The following SPAG1 variants were observed in gnomAD, a reference collection of about 807,000 sequenced individuals.
SPAG1 encodes sperm associated antigen 1.
Under a neutral mutation model 100.5 loss-of-function variants are expected in SPAG1, and 69 were observed. The ratio of observed to expected loss-of-function variants is 0.69; its 90% CI spans 0.57 to 0.84. SPAG1 has a LOEUF of 0.84. Ranked by LOEUF, SPAG1 falls within the 40% of genes least tolerant of loss-of-function variation. The pLI, the probability that SPAG1 is intolerant of heterozygous loss-of-function variation, is 0.00. For missense variants in SPAG1, 955 were observed against 1,133.1 expected, an observed-to-expected ratio of 0.84 and a Z score of 2.26; for synonymous variants, 336 against 411.6, an observed-to-expected ratio of 0.82 and a Z score of 2.22.
intron 16 of SPAG1, among the ~76,000 whole-genome samples, chr8:100,234,894 G>T (rs1818934270): frequency 6.6e-6 from 1 of 152,142 alleles, no homozygotes; most frequent in Admixed American, 6.5e-5. Context: ...TAATGGATCA[G>T]ATTTGGGGAC....
At chr8:100,219,945 T>A (rs1818185184) in intron 12 of SPAG1, among the ~76,000 whole-genome samples, 1 of 152,256 alleles carries the variant, frequency 6.6e-6, no homozygotes, top group Admixed American at 6.5e-5. Context: ...CATTTTAATC[T>A]GTCAACGACA....
chr8:100,235,938 C>T (rs1325189281), intron 16 of SPAG1, among the ~76,000 whole-genome samples: 1 of 152,108 alleles, frequency 6.6e-6, no homozygotes, highest in African/African-American at 2.4e-5. Flanking sequence ...TTGAAATTTA[C>T]TCACCTCTTT....
intron 11 of SPAG1, among the ~76,000 whole-genome samples, 159 bp downstream of exon 11, chr8:100,213,587 C>T (rs917715732): frequency 1.3e-5 from 2 of 152,220 alleles, no homozygotes; most frequent in African/African-American, 4.8e-5. Context: ...CACCTGACCT[C>T]AGTGAGCAGC....
chr8:100,165,337 C>T, intron 2 of SPAG1: 1 of 503,944 alleles, frequency 2.0e-6, no homozygotes. Context: ...GTAATAATTG[C>T]ACTTCTTGCA....
chr8:100,215,000 T>C (rs1817905224), intron 12 of SPAG1, among the ~76,000 whole-genome samples: 1 of 4,440 alleles, frequency 2.3e-4, no homozygotes, highest in Admixed American at 1.4e-3. Flanking sequence ...TATATATATA[T>C]ATATATATAT....
At position 100,240,716 on chromosome 8, in the gene SPAG1, A is replaced by T; in HGVS notation, c.2594A>T (p.Asp865Val). Residue 865 changes from aspartate to valine, a missense_variant, in exon 18 of 19, where the codon GAT (aspartate) becomes GTT (valine). Asp to Val is a radical substitution (Grantham distance 152). Transcript: ENST00000388798. Reference protein sequence around the residue: ...QSLKNNLIEKDPSLVYQHLLY... With the variant: ...QSLKNNLIEKVPSLVYQHLLY... ...CTGAAAAATAATCTTATTGAAAAAG[A>T]TCCCTCATTGGTGTATCAGCATCTT... The T allele has an allele frequency of 6.2e-7, 1 of 1,613,694 alleles. No individual in the cohort carries two copies. Among genetic ancestry groups the T allele is most frequent in the Non-Finnish European group, 8.5e-7 (1 of 1,179,834 alleles).
At chr8:100,230,770 T>A (rs1267816707) in intron 14 of SPAG1, among the ~76,000 whole-genome samples, 1 of 152,078 alleles carries the variant, frequency 6.6e-6, no homozygotes, top group African/African-American at 2.4e-5. Flanking sequence ...ATTACAGGCA[T>A]GTGCCACTAC....
At chr8:100,164,009 G>A (rs984465822) in intron 2 of SPAG1, among the ~76,000 whole-genome samples, 3 of 152,154 alleles carry the variant, frequency 2.0e-5, no homozygotes, top group Non-Finnish European at 4.4e-5. Flanking sequence ...TTCTAGAAAT[G>A]TAAGAGTGAA....
intron 1 of SPAG1, among the ~76,000 whole-genome samples, chr8:100,161,314 C>A (rs536581219): frequency 1.2e-4 from 18 of 152,212 alleles, no homozygotes; most frequent in African/African-American, 4.3e-4. Flanking sequence ...TGCATTTCAG[C>A]CTGGGTGACA....
intron 10 of SPAG1, among the ~76,000 whole-genome samples, chr8:100,206,576 C>A (rs1006469479): frequency 2.6e-5 from 4 of 152,150 alleles, no homozygotes; most frequent in Admixed American, 1.3e-4. Flanking sequence ...AATTCAGGGA[C>A]CTTCTACCTC....
intron 3 of SPAG1, among the ~76,000 whole-genome samples, chr8:100,174,844 C>G (rs1816032665): frequency 6.6e-6 from 1 of 152,166 alleles, no homozygotes; most frequent in Non-Finnish European, 1.5e-5. Flanking sequence ...ACACTTCACT[C>G]CCAACTTTTT....
intron 10 of SPAG1, among the ~76,000 whole-genome samples, chr8:100,202,666 C>T (rs75502943): frequency 0.048 from 6,779 of 140,758 alleles, 491 homozygotes; most frequent in African/African-American, 0.15. Context: ...GCCGAGATCG[C>T]GCCACTGCAC....
At chr8:100,184,781 A>G (rs1026656454) in intron 7 of SPAG1, 48 bp downstream of exon 7, 6 of 1,053,358 alleles carry the variant, frequency 5.7e-6, no homozygotes, top group Non-Finnish European at 8.4e-6. Context: ...AAAAAATGAT[A>G]ATGTTTTAAT....
intron 2 of SPAG1, 58 bp downstream of exon 2, chr8:100,162,478 T>C: frequency 1.5e-6 from 2 of 1,343,934 alleles, no homozygotes; most frequent in Non-Finnish European, 2.0e-6. Flanking sequence ...ATCTTGTTGT[T>C]ACCTTCTAAA....
intron 10 of SPAG1, among the ~76,000 whole-genome samples, chr8:100,195,071 A>C (rs1816974162): frequency 1.3e-5 from 2 of 151,588 alleles, no homozygotes. Flanking sequence ...AGGCTGAGGC[A>C]GGAGAGTGGC....
chr8:100,190,237 C>T lies in SPAG1; in HGVS notation c.833-1153C>T, dbSNP rs79279154. Among the ~76,000 whole-genome samples, 19 of 150,238 alleles carry T rather than the reference C, an allele frequency of 1.3e-4. No individual in the cohort carries two copies. The East Asian group carries it at 2.0e-3, about 16-fold the overall frequency. Reference sequence around the variant, plus strand: ...CTGAGGCAGGAGAATCGCTTGAACCCGGGAGGCAGAGGTTGCAGTGAGCCG... The same window carrying T: ...CTGAGGCAGGAGAATCGCTTGAACCTGGGAGGCAGAGGTTGCAGTGAGCCG... On this transcript the variant is annotated intron_variant, in intron 8 of 18. Transcript: ENST00000388798.
At chr8:100,204,800 T>C (rs561561267) in intron 10 of SPAG1, among the ~76,000 whole-genome samples, 1 of 152,302 alleles carries the variant, frequency 6.6e-6, no homozygotes, top group East Asian at 1.9e-4. Flanking sequence ...CTCTTCTCTG[T>C]ATGTCAGACC....
intron 12 of SPAG1, among the ~76,000 whole-genome samples, chr8:100,215,641 C>A (rs1334948616): frequency 2.6e-5 from 4 of 152,266 alleles, no homozygotes; most frequent in African/African-American, 7.2e-5. Context: ...TCTCCTGCCT[C>A]AGCCTGGAGA....
At chr8:100,168,494 A>G (rs1323698512) in intron 3 of SPAG1, among the ~76,000 whole-genome samples, 1 of 151,608 alleles carries the variant, frequency 6.6e-6, no homozygotes, top group Non-Finnish European at 1.5e-5. Context: ...CCCAGACTCA[A>G]GCGATGCTCC....
Sources: gnomAD v4.1 joint callset for allele counts (sites outside exome capture counted in the v4.1 genomes callset) on GRCh38, gnomAD v4.1.1 for gene constraint, MANE v1.5 for transcripts, NCBI Gene and HGNC (gene_info 2026-07-23, HGNC 2026-07-21) for gene names.